The following TRHDE variants were observed in gnomAD, a reference collection of about 807,000 sequenced individuals.
The protein encoded by TRHDE is thyrotropin releasing hormone degrading enzyme.
In TRHDE, 72 loss-of-function variants were observed where a neutral mutation model predicts 125.7. The ratio of observed to expected loss-of-function variants is 0.57; its 90% CI spans 0.47 to 0.70. The LOEUF (loss-of-function observed/expected upper bound fraction) is 0.70. Among genes scored for constraint, TRHDE ranks in the 30% least tolerant of loss-of-function variants. The pLI, the probability that TRHDE is intolerant of heterozygous loss-of-function variation, is 0.00. For synonymous variants in TRHDE, 509 were observed against 509.1 expected (o/e 1.00, Z 0.00); for missense variants, 1,110 against 1,327.1 (o/e 0.84, Z 2.54).
chr12:72,550,471 T>C (rs1337997991), intron 7 of TRHDE, among the ~76,000 whole-genome samples: 1 of 151,966 alleles, frequency 6.6e-6, no homozygotes, highest in Non-Finnish European at 1.5e-5. Flanking sequence ...AAAGTGCATG[T>C]AATAGCCTAG....
rs565268435 is a variant in TRHDE at position 72,432,423 on chromosome 12, G to A, written c.1316-37335G>A. 7.2e-5 allele frequency among the ~76,000 whole-genome samples: 11 copies of A among 152,218 alleles called. 1 individual carries two copies. Among genetic ancestry groups the A allele is most frequent in the Middle Eastern group, 6.8e-3 (2 of 294 alleles). On this transcript the variant is annotated intron_variant, in intron 3 of 18. Transcript: ENST00000261180. ...GCAGATGATCAAAGGTCAGTTCCTG[G>A]TCAATATAAGTAAACAACCTTGTTT...
intron 2 of TRHDE, among the ~76,000 whole-genome samples, chr12:72,152,669 G>A (rs573475999): frequency 4.5e-4 from 68 of 152,188 alleles, no homozygotes; most frequent in South Asian, 1.9e-3. Context: ...GTTTTTTGTC[G>A]TTGGTTCTGT....
chr12:72,243,658 C>T (rs1432461746), intron 2 of TRHDE, among the ~76,000 whole-genome samples: 1 of 152,104 alleles, frequency 6.6e-6, no homozygotes, highest in Non-Finnish European at 1.5e-5. Flanking sequence ...CATTATATTT[C>T]TATGTAACAG....
At chr12:72,635,683 G>C (rs1176939975) in intron 15 of TRHDE, among the ~76,000 whole-genome samples, 1 of 150,134 alleles carries the variant, frequency 6.7e-6, no homozygotes, top group Non-Finnish European at 1.5e-5. Flanking sequence ...TTTTGTATAA[G>C]GTGTAAGGAA....
chr12:72,181,146 G>T (rs555005014), intron 2 of TRHDE, among the ~76,000 whole-genome samples: 17 of 152,272 alleles, frequency 1.1e-4, no homozygotes, highest in Admixed American at 7.8e-4. Flanking sequence ...TGAAGTTTTG[G>T]ATTCAATTCA....
chr12:72,320,543 CTGTGTGTGTGTGTG>C (rs59244019), intron 2 of TRHDE, among the ~76,000 whole-genome samples: 1 of 143,080 alleles, frequency 7.0e-6, no homozygotes, highest in African/African-American at 2.6e-5. Context: ...AGAGGGTTGA[CTGTGTGTGTGTGTG>C]TGTGTGTGTG....
intron 6 of TRHDE, among the ~76,000 whole-genome samples, chr12:72,519,445 A>C (rs1020625550): frequency 2.0e-5 from 3 of 152,056 alleles, no homozygotes; most frequent in Non-Finnish European, 4.4e-5. Context: ...TCGGCTCCTG[A>C]GGCTTCTGCA....
rs183030735 is a variant in TRHDE, at chr12:72,142,624, G to A, written n.279+36872G>A. Among the ~76,000 whole-genome samples, 102 of 152,146 alleles carry A rather than the reference G, an allele frequency of 6.7e-4. 1 individual carries two copies. The East Asian group carries it at 0.016, about 24-fold the overall frequency. The stretch of plus-strand genomic sequence containing the variant: ...TGAGAACAGACATTCCTGTTTTCAT[G>A]CCCAAAAAGTTGCCTTTTGGCCCAC... On this transcript the variant is annotated intron_variant and non_coding_transcript_variant, in intron 2 of 4. Coordinates refer to the TRHDE transcript ENST00000548156.
rs528072806 is a variant in TRHDE, at chr12:72,313,743, T to G, written c.1188+26789T>G. The stretch of plus-strand genomic sequence containing the variant: ...GTGAAAGCTTTTGTTCAATTCTGGA[T>G]TATCTTTTAAGGATGTTTGCATAGT... On this transcript the variant is annotated intron_variant, in intron 2 of 18. Coordinates refer to ENST00000261180, the MANE Select transcript of TRHDE (RefSeq NM_013381.3). Among the ~76,000 whole-genome samples, 26 of 152,350 alleles carry G rather than the reference T, an allele frequency of 1.7e-4. 3 individuals carry two copies. The South Asian group carries it at 4.8e-3, about 28-fold the overall frequency.
In TRHDE at chr12:72,334,860, G is replaced by A. The variant is rs570554599; in HGVS notation, c.1189-43135G>A. On this transcript the variant is annotated intron_variant, in intron 2 of 18. Transcript: ENST00000261180. The stretch of plus-strand genomic sequence containing the variant: ...TGATTGAGGGCAGTCCTTCATCCCC[G>A]GGTCACGCCAGGCAGGAATGAAAAG... 3.9e-5 allele frequency among the ~76,000 whole-genome samples: 6 copies of A among 152,286 alleles called. No homozygotes were observed. The East Asian group carries it at 9.7e-4, about 25-fold the overall frequency.
At chr12:72,364,381 G>T (rs1871257510) in intron 2 of TRHDE, among the ~76,000 whole-genome samples, 1 of 151,844 alleles carries the variant, frequency 6.6e-6, no homozygotes, top group Non-Finnish European at 1.5e-5. Context: ...GCTTTCCTTG[G>T]CATTGGACAT....
At chr12:72,354,462 T>C (rs1407820052) in intron 2 of TRHDE, among the ~76,000 whole-genome samples, 1 of 151,206 alleles carries the variant, frequency 6.6e-6, no homozygotes, top group East Asian at 1.9e-4. Context: ...TTTAGTTTTA[T>C]TTATTGCTGT....
intron 5 of TRHDE, among the ~76,000 whole-genome samples, chr12:72,486,707 CCACT>C (rs1315089815): frequency 7.2e-5 from 11 of 152,234 alleles, no homozygotes; most frequent in Non-Finnish European, 1.2e-4. Flanking sequence ...AGTGACCGCA[CCACT>C]AAGTATGCAA....
At chr12:72,126,862 A>G (rs1184032876) in intron 2 of TRHDE, among the ~76,000 whole-genome samples, 1 of 152,190 alleles carries the variant, frequency 6.6e-6, no homozygotes, top group East Asian at 1.9e-4. Flanking sequence ...GCCTAATTAA[A>G]CTAAAGAGCT....
chr12:72,300,041 A>G (rs1360555139), intron 2 of TRHDE, among the ~76,000 whole-genome samples: 1 of 152,102 alleles, frequency 6.6e-6, no homozygotes, highest in East Asian at 1.9e-4. Context: ...TAGAGTAAGA[A>G]ACACCTTTTT....
intron 2 of TRHDE, among the ~76,000 whole-genome samples, chr12:72,128,666 T>C (rs924084306): frequency 1.1e-4 from 16 of 152,188 alleles, no homozygotes; most frequent in African/African-American, 3.4e-4. Context: ...TAATGGCAGA[T>C]GACATATCAC....
chr12:72,541,914 T>G (rs915998269), intron 6 of TRHDE, among the ~76,000 whole-genome samples: 2 of 151,420 alleles, frequency 1.3e-5, no homozygotes, highest in Non-Finnish European at 3.0e-5. Flanking sequence ...ATATGATTAT[T>G]TATTAACATG....
At chr12:72,579,234 A>G (rs1871135896) in intron 12 of TRHDE, among the ~76,000 whole-genome samples, 1 of 151,778 alleles carries the variant, frequency 6.6e-6, no homozygotes, top group South Asian at 2.1e-4. Context: ...CCCTCCATCA[A>G]CCATGTGTGA....
chr12:72,612,530 A>T (rs532320264), intron 12 of TRHDE, among the ~76,000 whole-genome samples: 1 of 152,226 alleles, frequency 6.6e-6, no homozygotes, highest in South Asian at 2.1e-4. Context: ...TAGCCCTGCT[A>T]CTCATTAGCC....
Sources: allele counts gnomAD v4.1 joint callset (sites outside exome capture counted in the v4.1 genomes callset), GRCh38; gene constraint gnomAD v4.1.1; transcripts MANE v1.5; gene names NCBI Gene and HGNC (gene_info 2026-07-23, HGNC 2026-07-21).